PPARA: variants seen among roughly 807,000 people sequenced by gnomAD.
PPARA encodes the protein peroxisome proliferator activated receptor alpha.
In PPARA, 22 loss-of-function variants were observed where a neutral mutation model predicts 42.2. The ratio of observed to expected loss-of-function variants is 0.52; its 90% CI spans 0.37 to 0.74. The LOEUF (loss-of-function observed/expected upper bound fraction) is 0.74, where lower values mean the gene tolerates loss of function less well. Among genes scored for constraint, PPARA ranks in the 30% least tolerant of loss-of-function variants. PPARA has a pLI of 0.00. For synonymous variants in PPARA, 242 were observed against 239.3 expected (o/e 1.01, Z -0.10); for missense variants, 465 against 608.2 (o/e 0.76, Z 2.48).
chr22:46,238,228 T>A lies in PPARA; in HGVS notation c.*2848T>A, dbSNP rs1936274430. On this transcript the variant is annotated 3_prime_UTR_variant, in exon 9 of 9. Transcript: ENST00000407236. This position sits in a 1 kb window ranked among gnomAD's most constrained non-coding sequence, Gnocchi z 8.3. ...TCTCTTGTGTTGATAGGGAAGGAAATCAGGCATTCCTATTTCTTTAAATAA... is the reference window on the plus strand; with the variant it reads ...TCTCTTGTGTTGATAGGGAAGGAAAACAGGCATTCCTATTTCTTTAAATAA... 1 of 152,194 alleles carries A rather than the reference T, an allele frequency of 6.6e-6. No individual in the cohort carries two copies. Among genetic ancestry groups the A allele is most frequent in the African/African-American group, 2.4e-5 (1 of 41,458 alleles). The allele number at this position is 152,194 out of a possible 1,614,324, so 9.4% of individuals were successfully genotyped here.
At position 46,227,292 on chromosome 22, in the gene PPARA, C is replaced by T. The variant is rs1463837400; in HGVS notation, c.712-4500C>T. Among the ~76,000 whole-genome samples the T allele has an allele frequency of 6.6e-6, 1 of 152,122 alleles. No homozygotes were observed. Among genetic ancestry groups the T allele is most frequent in the Non-Finnish European group, 1.5e-5 (1 of 68,040 alleles). On this transcript the variant is annotated intron_variant, in intron 7 of 8. Coordinates refer to ENST00000407236, the MANE Select transcript of PPARA (RefSeq NM_005036.6). This position sits in a 1 kb window ranked among gnomAD's most constrained non-coding sequence, Gnocchi z 4.3. ...TTTGAGACTGAGTCTCACTCTCTTG[C>T]CCAGGCTGGAGTGCAGTGGCGCAAT...
chr22:46,178,490 A>G (rs1487534899), intron 3 of PPARA, among the ~76,000 whole-genome samples: 1 of 152,138 alleles, frequency 6.6e-6, no homozygotes, highest in Non-Finnish European at 1.5e-5. Flanking sequence ...GAGAGGGGAA[A>G]CTGAGGCAGA....
Position 46,235,522 on chromosome 22 carries a change from C to A in PPARA, c.*142C>A. ...GACAGTCTGAGCTGTAGGTAACCGG[C>A]ATATTATTCCATATCTTTGTTTTAA... On this transcript the variant is annotated 3_prime_UTR_variant, in exon 9 of 9. Transcript: ENST00000407236. The surrounding 1 kb of genome is among the most constrained non-coding windows in gnomAD (Gnocchi z 7.0). 9.6e-7 allele frequency: 1 copy of A among 1,042,798 alleles called. No homozygotes were observed. The allele number at this position is 1,042,798 out of a possible 1,614,324, so 64.6% of individuals were successfully genotyped here. A position where few individuals can be genotyped will look rare whatever the true frequency, so the allele number is the denominator to read the frequency against.
Position 46,165,172 on chromosome 22 carries a change from A to G in PPARA, c.-126-11581A>G, listed in dbSNP as rs1289400627. 1 of 152,234 alleles carries G rather than the reference A, an allele frequency of 6.6e-6. No individual in the cohort carries two copies. The highest frequency in any genetic ancestry group is 1.5e-5 in the Non-Finnish European group (1 of 68,116). The allele number at this position is 152,234 out of a possible 1,614,324, so 9.4% of individuals were successfully genotyped here. Reference sequence around the variant, plus strand: ...CATATCAGCCTCCCGAGGAGCTGGGACTACAGGCGCCTGCCACCACACCTG... The same window carrying G: ...CATATCAGCCTCCCGAGGAGCTGGGGCTACAGGCGCCTGCCACCACACCTG... On this transcript the variant is annotated intron_variant, in intron 2 of 8. Transcript: ENST00000407236. This position sits in a 1 kb window ranked among gnomAD's most constrained non-coding sequence, Gnocchi z 5.5.
rs1473487332 is a variant in PPARA, at chr22:46,240,734, A to G, written c.*5354A>G. The stretch of plus-strand genomic sequence containing the variant: ...TTGGCATTGCCAAGCATGGGGAAGT[A>G]TCTGCTCTTCTCATGTTAAAAGTGG... On this transcript the variant is annotated 3_prime_UTR_variant, in exon 9 of 9. Transcript: ENST00000407236. This position sits in a 1 kb window ranked among gnomAD's most constrained non-coding sequence, Gnocchi z 6.0. 6.5e-6 allele frequency: 1 copy of G among 152,942 alleles called. No homozygotes were observed. Among genetic ancestry groups the G allele is most frequent in the Non-Finnish European group, 1.5e-5 (1 of 68,554 alleles). 9.5% of individuals were successfully genotyped at this position (152,942 alleles called of 1,614,324 possible).
intron 5 of PPARA, among the ~76,000 whole-genome samples, chr22:46,217,389 TC>T (rs1327284075): frequency 1.3e-5 from 2 of 152,230 alleles, no homozygotes; most frequent in Non-Finnish European, 2.9e-5. Context: ...AGTGGCCTTT[TC>T]CTTAGGGCCA....
At chr22:46,181,601 T>C (rs1283653593) in intron 3 of PPARA, among the ~76,000 whole-genome samples, 1 of 152,106 alleles carries the variant, frequency 6.6e-6, no homozygotes. Flanking sequence ...CCCCCAAAGA[T>C]TGAGGGTTCT....
chr22:46,217,143 C>T (rs1049435956), intron 5 of PPARA, among the ~76,000 whole-genome samples: 4 of 152,088 alleles, frequency 2.6e-5, no homozygotes, highest in Non-Finnish European at 5.9e-5. Context: ...CCATTCTAAC[C>T]CCATGCGTTC....
At position 46,188,473 on chromosome 22, in the gene PPARA, C is replaced by G. The variant is rs62225957; in HGVS notation, c.-42-9869C>G. ...GGCTCCCTGGCCCTCCAGGATTCCCCCAGTAACAGCCCTCATCATGCTGCC... is the reference window on the plus strand; with the variant it reads ...GGCTCCCTGGCCCTCCAGGATTCCCGCAGTAACAGCCCTCATCATGCTGCC... On this transcript the variant is annotated intron_variant, in intron 3 of 8. Transcript: ENST00000407236. This position sits in a 1 kb window ranked among gnomAD's most constrained non-coding sequence, Gnocchi z 5.0. Among the ~76,000 whole-genome samples, 8,261 of 152,060 alleles carry G rather than the reference C, an allele frequency of 0.054. 315 individuals carry two copies. The highest frequency in any genetic ancestry group is 0.11 in the Middle Eastern group (32 of 294).
In PPARA at chr22:46,211,313, T is replaced by G. The variant is rs1459584947; in HGVS notation, c.209-3860T>G. On this transcript the variant is annotated intron_variant, in intron 4 of 8. Coordinates refer to ENST00000407236, the MANE Select transcript of PPARA (RefSeq NM_005036.6). This position sits in a 1 kb window ranked among gnomAD's most constrained non-coding sequence, Gnocchi z 4.1. ...AATTCACCATTCCTTGAGTTCATGGTTCATTTTCAGTATACCTGCACAGTG... is the reference window on the plus strand; with the variant it reads ...AATTCACCATTCCTTGAGTTCATGGGTCATTTTCAGTATACCTGCACAGTG... Among the ~76,000 whole-genome samples the G allele has an allele frequency of 6.6e-6, 1 of 152,144 alleles. No homozygotes were observed. Among genetic ancestry groups the G allele is most frequent in the Non-Finnish European group, 1.5e-5 (1 of 68,032 alleles).
rs1414524934 is a variant in PPARA, at chr22:46,237,110, C to T, written c.*1730C>T. 1 of 152,106 alleles carries T rather than the reference C, an allele frequency of 6.6e-6. No individual in the cohort carries two copies. Among genetic ancestry groups the T allele is most frequent in the Non-Finnish European group, 1.5e-5 (1 of 68,024 alleles). The allele number at this position is 152,106 out of a possible 1,614,324, so 9.4% of individuals were successfully genotyped here. On this transcript the variant is annotated 3_prime_UTR_variant, in exon 9 of 9. Coordinates refer to ENST00000407236, the MANE Select transcript of PPARA (RefSeq NM_005036.6). This position sits in a 1 kb window ranked among gnomAD's most constrained non-coding sequence, Gnocchi z 6.7. ...CCTGGAGGTATCGTCGATGCCTCTC[C>T]CCCATCTTTAGAAAATTTGGCTCTT...
At chr22:46,223,815 C>T (rs1345949699) in intron 7 of PPARA, among the ~76,000 whole-genome samples, 1 of 148,238 alleles carries the variant, frequency 6.7e-6, no homozygotes, top group Non-Finnish European at 1.5e-5. Flanking sequence ...CCGGGCATGG[C>T]AGTGTGCGCC....
chr22:46,152,281 G>A (rs1011754765), intron 2 of PPARA, among the ~76,000 whole-genome samples: 1 of 152,050 alleles, frequency 6.6e-6, no homozygotes, highest in African/African-American at 2.4e-5. Context: ...TGGGATTACA[G>A]GCGCCTGCCA....
Position 46,219,339 on chromosome 22 carries a change from C to G in PPARA, c.509-473C>G, listed in dbSNP as rs1025920993. Reference sequence around the variant, plus strand: ...AGGAAGGGTGTACCACCTCAAACATCTCACCACGTTATGAATTTCCTTCTA... The same window carrying G: ...AGGAAGGGTGTACCACCTCAAACATGTCACCACGTTATGAATTTCCTTCTA... On this transcript the variant is annotated intron_variant, in intron 6 of 8. Transcript: ENST00000407236. The surrounding 1 kb of genome is among the most constrained non-coding windows in gnomAD (Gnocchi z 4.8). Among the ~76,000 whole-genome samples, 3 of 152,204 alleles carry G rather than the reference C, an allele frequency of 2.0e-5. No homozygotes were observed. The highest frequency in any genetic ancestry group is 4.4e-5 in the Non-Finnish European group (3 of 68,036).
rs1180318678 is a variant in PPARA, at chr22:46,188,538, T to C, written c.-42-9804T>C. On this transcript the variant is annotated intron_variant, in intron 3 of 8. Coordinates refer to ENST00000407236, the MANE Select transcript of PPARA (RefSeq NM_005036.6). This position sits in a 1 kb window ranked among gnomAD's most constrained non-coding sequence, Gnocchi z 5.0. ...TTTATTTGTACCTCTCACCTGCTAGTTGGGCAAGTTACTCACTTCTCTCAA... is the reference window on the plus strand; with the variant it reads ...TTTATTTGTACCTCTCACCTGCTAGCTGGGCAAGTTACTCACTTCTCTCAA... Among the ~76,000 whole-genome samples, 1 of 152,202 alleles carries C rather than the reference T, an allele frequency of 6.6e-6. No homozygotes were observed. Among genetic ancestry groups the C allele is most frequent in the African/African-American group, 2.4e-5 (1 of 41,454 alleles).
chr22:46,227,755 T>G lies in PPARA; in HGVS notation c.712-4037T>G, dbSNP rs1454763930. Among the ~76,000 whole-genome samples, 2 of 152,252 alleles carry G rather than the reference T, an allele frequency of 1.3e-5. No individual in the cohort carries two copies. The highest frequency in any genetic ancestry group is 2.4e-5 in the African/African-American group (1 of 41,460). On this transcript the variant is annotated intron_variant, in intron 7 of 8. Coordinates refer to ENST00000407236, the MANE Select transcript of PPARA (RefSeq NM_005036.6). This position sits in a 1 kb window ranked among gnomAD's most constrained non-coding sequence, Gnocchi z 4.3. ...CTGTTTAAAACCTTTATAATGTGCTTTATTTCATTTATTTGAAATGACTGC... is the reference window on the plus strand; with the variant it reads ...CTGTTTAAAACCTTTATAATGTGCTGTATTTCATTTATTTGAAATGACTGC...
rs75478521 is a variant in PPARA, at chr22:46,180,991, C to T, written c.-43+4155C>T. 0.052 allele frequency among the ~76,000 whole-genome samples: 7,866 copies of T among 152,140 alleles called. 211 individuals carry two copies. The highest frequency in any genetic ancestry group is 0.11 in the Middle Eastern group (33 of 294). ...CGGAACCTATAAAGGGGTTGCAGGA[C>T]GGTTCCAGCAGGGGCTGGGGATGGT... is the stretch of plus-strand genomic sequence containing the variant. On this transcript the variant is annotated intron_variant, in intron 3 of 8. Transcript: ENST00000407236. This position sits in a 1 kb window ranked among gnomAD's most constrained non-coding sequence, Gnocchi z 4.2.
intron 3 of PPARA, among the ~76,000 whole-genome samples, chr22:46,194,641 A>C (rs1033021369): frequency 2.3e-4 from 32 of 140,430 alleles, no homozygotes; most frequent in African/African-American, 8.3e-4. Flanking sequence ...GTGCAATCTC[A>C]GCTCATTGCA....
rs893140232 is a variant in PPARA, at chr22:46,200,098, C to T, written c.208+1507C>T. Among the ~76,000 whole-genome samples the T allele has an allele frequency of 2.0e-5, 3 of 152,206 alleles. No homozygotes were observed. Among genetic ancestry groups the T allele is most frequent in the Non-Finnish European group, 4.4e-5 (3 of 68,046 alleles). On this transcript the variant is annotated intron_variant, in intron 4 of 8. Transcript: ENST00000407236. This position sits in a 1 kb window ranked among gnomAD's most constrained non-coding sequence, Gnocchi z 4.8. ...GACATACACCTATTGCAAAGGGCAT[C>T]TCAGCTTTAAGGACTCAGTCACCTC...
Sources: gnomAD v4.1 joint callset for allele counts (sites outside exome capture counted in the v4.1 genomes callset) on GRCh38, gnomAD v4.1.1 for gene constraint, Gnocchi (gnomAD v3.1) non-coding constraint, MANE v1.5 for transcripts, NCBI Gene and HGNC (gene_info 2026-07-23, HGNC 2026-07-21) for gene names.